Variants in ARHGAP20 observed in about 807,000 individuals in gnomAD.
The protein encoded by ARHGAP20 is Rho GTPase activating protein 20, also known as rho GTPase-activating protein 20.
Under a neutral mutation model 73.7 loss-of-function variants are expected in ARHGAP20, and 34 were observed. The observed-to-expected ratio is 0.46, with a 90% CI of 0.35 to 0.61. The LOEUF is 0.61. Among genes scored for constraint, ARHGAP20 ranks in the 20% least tolerant of loss-of-function variants. The pLI is 0.00. For missense variants in ARHGAP20, 1,314 were observed against 1,420.9 expected (o/e 0.92, Z 1.21); for synonymous variants, 523 against 518.2 (o/e 1.01, Z -0.13).
At chr11:110,607,951 T>C (rs1167571974) in intron 8 of ARHGAP20, among the ~76,000 whole-genome samples, 1 of 152,204 alleles carries the variant, frequency 6.6e-6, no homozygotes, top group East Asian at 1.9e-4. Context: ...TTAATAACTT[T>C]ATTGCTCATT....
chr11:110,707,260 T>G (rs917021282), intron 1 of ARHGAP20, among the ~76,000 whole-genome samples: 6 of 152,166 alleles, frequency 3.9e-5, no homozygotes, highest in South Asian at 2.1e-4. Context: ...AATATTTGAG[T>G]CTGATACAAA....
chr11:110,691,619 A>G (rs1950243626), intron 1 of ARHGAP20, among the ~76,000 whole-genome samples: 1 of 152,224 alleles, frequency 6.6e-6, no homozygotes, highest in Non-Finnish European at 1.5e-5. Flanking sequence ...TTTTTAAAGT[A>G]AAACAATGAT....
At chr11:110,703,060 A>C (rs11213550) in intron 1 of ARHGAP20, among the ~76,000 whole-genome samples, 46,048 of 151,946 alleles carry the variant, frequency 0.3, 7,753 homozygotes, top group African/African-American at 0.47. Flanking sequence ...CTTCTGGGTC[A>C]TGCTATCACA....
At position 110,580,011 on chromosome 11, in the gene ARHGAP20, A is replaced by G; in HGVS notation, c.2935T>C (p.Phe979Leu). ...TCTTCCCGTTTTCTCTGAGCCTGAAAAGTGCAATCTATTGGAGAGGAAGTC... is the reference window on the plus strand; with the variant it reads ...TCTTCCCGTTTTCTCTGAGCCTGAAGAGTGCAATCTATTGGAGAGGAAGTC... The part of the protein sequence containing the change: ...TETSSPIDCT[F>L]QAQRKREDLS... The change falls in exon 15 of 15, where the codon TTT (phenylalanine) becomes CTT (leucine). Residue 979 changes from phenylalanine (F) to leucine (L), a missense_variant. Phe to Leu is a conservative substitution (Grantham distance 22). Transcript: ENST00000683387. The G allele has an allele frequency of 6.2e-7, 1 of 1,614,208 alleles. No homozygotes were observed. Among genetic ancestry groups the G allele is most frequent in the South Asian group, 1.1e-5 (1 of 91,078 alleles).
intron 2 of ARHGAP20, among the ~76,000 whole-genome samples, chr11:110,687,978 A>G (rs1267227038): frequency 2.0e-5 from 3 of 152,236 alleles, no homozygotes; most frequent in African/African-American, 7.2e-5. Flanking sequence ...CTTGACGTAC[A>G]AGGTAGCTAC....
chr11:110,631,971 ATTAC>A (rs763049627), intron 2 of ARHGAP20, among the ~76,000 whole-genome samples: 43 of 152,294 alleles, frequency 2.8e-4, no homozygotes, highest in Admixed American at 2.0e-3. Context: ...TGTGTAAGAT[ATTAC>A]TTCCTCATCA....
chr11:110,582,338 G>C lies in ARHGAP20; in HGVS notation c.1703C>G (p.Thr568Ser). 1 of 1,610,122 alleles carries C rather than the reference G, an allele frequency of 6.2e-7. No homozygotes were observed. Among genetic ancestry groups the C allele is most frequent in the Non-Finnish European group, 8.5e-7 (1 of 1,176,384 alleles). Reference sequence around the variant, plus strand: ...CACAATACCTGAGGCATTCTCTCTAGTGTCACATCTCACTGAAACCTCTCT... The same window carrying C: ...CACAATACCTGAGGCATTCTCTCTACTGTCACATCTCACTGAAACCTCTCT... The part of the protein sequence containing the change: ...LFREVSVRCD[T>S]RENASDISCF... Residue 568 changes from threonine (T) to serine (S), a missense_variant, in exon 14 of 15, where the codon ACT (threonine) becomes AGT (serine). Transcript: ENST00000683387.
chr11:110,700,405 GACT>G (rs10557200), intron 1 of ARHGAP20, among the ~76,000 whole-genome samples: 3,556 of 151,920 alleles, frequency 0.023, 150 homozygotes, highest in African/African-American at 0.082. Context: ...ATTCAAACTT[GACT>G]ATTAATTCTT....
chr11:110,691,156 T>A (rs922061443), intron 1 of ARHGAP20: 8 of 501,882 alleles, frequency 1.6e-5, no homozygotes, highest in East Asian at 3.2e-5. Flanking sequence ...TAGACTTTTT[T>A]AAAACTGTAA....
intron 11 of ARHGAP20, among the ~76,000 whole-genome samples, chr11:110,590,132 A>G (rs1353336009): frequency 6.6e-6 from 1 of 152,034 alleles, no homozygotes; most frequent in Non-Finnish European, 1.5e-5. Flanking sequence ...AAAAAAAAAA[A>G]AAAAAAGGGA....
rs1254959292 is a variant in ARHGAP20 at position 110,618,758 on chromosome 11, CATATATGTAGTGATAGA to C, written c.504-3181_504-3165del. On this transcript the variant is annotated intron_variant, in intron 4 of 14. Coordinates refer to ENST00000683387, the MANE Select transcript of ARHGAP20 (RefSeq NM_001384657.1). ...AGTGATAGAGTATATGCAGTGATAGCATATATGTAGTGATAGAGTGTATGCAGTGATAGAGTGTATGC... is the reference window on the plus strand; with the variant it reads ...AGTGATAGAGTATATGCAGTGATAGCGTGTATGCAGTGATAGAGTGTATGC... Among the ~76,000 whole-genome samples, 138 of 83,466 alleles carry C rather than the reference CATATATGTAGTGATAGA, an allele frequency of 1.7e-3. 1 individual carries two copies. In the South Asian group the frequency reaches 0.017, roughly 10 times the overall value. The allele number at this position is 83,466 out of a possible 152,430, so 54.8% of individuals were successfully genotyped here. A position where few individuals can be genotyped will look rare whatever the true frequency, so the allele number is the denominator to read the frequency against.
intron 2 of ARHGAP20, among the ~76,000 whole-genome samples, chr11:110,674,440 T>C (rs1220045905): frequency 6.6e-6 from 1 of 152,178 alleles, no homozygotes; most frequent in African/African-American, 2.4e-5. Context: ...TTTGAGCGCC[T>C]ACACGATGGC....
At chr11:110,700,736 C>A (rs1307681981) in intron 1 of ARHGAP20, among the ~76,000 whole-genome samples, 1 of 107,328 alleles carries the variant, frequency 9.3e-6, no homozygotes, top group Non-Finnish European at 1.8e-5. Flanking sequence ...CTATCCCTCC[C>A]CCCTCCCCCC....
In ARHGAP20 at chr11:110,637,345, T is replaced by C. The variant is rs539185759; in HGVS notation, c.189-6553A>G. On this transcript the variant is annotated intron_variant, in intron 2 of 14. Coordinates refer to ENST00000683387, the MANE Select transcript of ARHGAP20 (RefSeq NM_001384657.1). ...TAACCTTAAAGCCTGGTAAAATAAT[T>C]AGCACATGGTCACTGACCGATAACT... Among the ~76,000 whole-genome samples, 8 of 152,188 alleles carry C rather than the reference T, an allele frequency of 5.3e-5. No homozygotes were observed. The South Asian group carries it at 1.5e-3, about 28-fold the overall frequency.
intron 1 of ARHGAP20, among the ~76,000 whole-genome samples, chr11:110,709,320 C>G (rs1265007769): frequency 6.6e-6 from 1 of 152,202 alleles, no homozygotes; most frequent in Non-Finnish European, 1.5e-5. Flanking sequence ...CATAACCCAA[C>G]TAATATTTAC....
intron 1 of ARHGAP20, among the ~76,000 whole-genome samples, chr11:110,704,524 A>G (rs1565487233): frequency 6.6e-6 from 1 of 152,160 alleles, no homozygotes; most frequent in Non-Finnish European, 1.5e-5. Flanking sequence ...TCTACCATAA[A>G]CTTGTCCTAG....
intron 9 of ARHGAP20, among the ~76,000 whole-genome samples, chr11:110,598,052 T>C (rs955908357): frequency 2.6e-5 from 4 of 152,210 alleles, no homozygotes; most frequent in Non-Finnish European, 4.4e-5. Flanking sequence ...AATTAGATAA[T>C]TGAATGTTAA....
At position 110,624,176 on chromosome 11, in the gene ARHGAP20, A is replaced by G. The variant is rs1396819939; in HGVS notation, c.489T>C (p.Phe163=). The G allele has an allele frequency of 6.2e-7, 1 of 1,611,124 alleles. No individual in the cohort carries two copies. The change falls in exon 4 of 15, where the codon TTT becomes TTC. Residue 163 remains phenylalanine, a synonymous_variant. Transcript: ENST00000683387. Reference sequence around the variant, plus strand: ...GTGGTTCTTACCTGAAAGTGGCCACAAAGTTCACTGTGGGCCAGCCCAAAA... The same window carrying G: ...GTGGTTCTTACCTGAAAGTGGCCACGAAGTTCACTGTGGGCCAGCCCAAAA... ...SFVLGWPTVN[F]VATFSSPEQK...
At chr11:110,588,795 G>T (rs1947741398) in intron 11 of ARHGAP20, among the ~76,000 whole-genome samples, 1 of 152,084 alleles carries the variant, frequency 6.6e-6, no homozygotes, top group African/African-American at 2.4e-5. Flanking sequence ...AAACATTCTT[G>T]GTTGTTAAAG....
Sources: gnomAD v4.1 joint callset for allele counts (sites outside exome capture counted in the v4.1 genomes callset) on GRCh38, gnomAD v4.1.1 for gene constraint, MANE v1.5 for transcripts, NCBI Gene and HGNC (gene_info 2026-07-23, HGNC 2026-07-21) for gene names.